The following EPHB1 variants were observed in gnomAD, a reference collection of about 807,000 sequenced individuals.
EPHB1 encodes the protein EPH receptor B1.
EPHB1 carries 30 observed loss-of-function variants against 94.4 expected under a neutral mutation model. That is an observed-to-expected ratio of 0.32 (90% confidence interval 0.24 to 0.43). The LOEUF is 0.43. Ranked by LOEUF, EPHB1 falls within the 20% of genes least tolerant of loss-of-function variation. The pLI, the probability that EPHB1 is intolerant of heterozygous loss-of-function variation, is 1.00. For synonymous variants in EPHB1, 522 were observed against 489.1 expected (o/e 1.07, Z -0.89); for missense variants, 1,055 against 1,308.3 (o/e 0.81, Z 2.99).
chr3:134,882,759 TTCCTTC>T (rs1560280426), intron 1 of EPHB1, among the ~76,000 whole-genome samples: 772 of 33,878 alleles, frequency 0.023, 51 homozygotes, highest in African/African-American at 0.073. Flanking sequence ...CCTTTCTTCC[TTCCTTC>T]CTTTCTTTCT....
At chr3:135,187,521 A>G (rs980712533) in intron 10 of EPHB1, among the ~76,000 whole-genome samples, 1 of 152,214 alleles carries the variant, frequency 6.6e-6, no homozygotes, top group African/African-American at 2.4e-5. Flanking sequence ...TTTCTTGTAG[A>G]TACTATATTA....
chr3:135,196,985 G>T (rs775653197), intron 11 of EPHB1, among the ~76,000 whole-genome samples: 1 of 151,962 alleles, frequency 6.6e-6, no homozygotes, highest in Non-Finnish European at 1.5e-5. Context: ...GGCTGGGCGC[G>T]GTGGCTCACG....
intron 1 of EPHB1, among the ~76,000 whole-genome samples, chr3:134,911,292 A>G (rs541095804): frequency 6.6e-6 from 1 of 152,346 alleles, no homozygotes; most frequent in South Asian, 2.1e-4. Flanking sequence ...TGGAGCAGGA[A>G]ACCACAGAAA....
chr3:135,021,608 G>A (rs1935990928), intron 3 of EPHB1, among the ~76,000 whole-genome samples: 2 of 150,966 alleles, frequency 1.3e-5, no homozygotes, highest in South Asian at 4.2e-4. Context: ...ACTGTCCAAA[G>A]CGATGATTAT....
chr3:135,222,265 G>GA (rs1292945292), intron 12 of EPHB1, among the ~76,000 whole-genome samples: 5 of 152,094 alleles, frequency 3.3e-5, no homozygotes, highest in East Asian at 1.9e-4. Context: ...GTGGATGCTT[G>GA]AAAAAATGTC....
At chr3:134,818,832 A>G (rs1020670838) in intron 1 of EPHB1, among the ~76,000 whole-genome samples, 1 of 152,208 alleles carries the variant, frequency 6.6e-6, no homozygotes, top group Non-Finnish European at 1.5e-5. Flanking sequence ...GTGCTGCTAT[A>G]AACATGCACG....
intron 3 of EPHB1, among the ~76,000 whole-genome samples, chr3:135,040,905 A>G (rs1178931915): frequency 2.0e-5 from 3 of 152,210 alleles, no homozygotes; most frequent in East Asian, 1.9e-4. Context: ...TTTTACATCT[A>G]TAATTCCTTC....
chr3:134,930,624 G>A (rs547746379), intron 2 of EPHB1, among the ~76,000 whole-genome samples: 9 of 152,314 alleles, frequency 5.9e-5, no homozygotes. Flanking sequence ...AACAGTCAGC[G>A]CTGTGCCCAA....
intron 9 of EPHB1, among the ~76,000 whole-genome samples, chr3:135,176,528 G>GCA (rs150501410): frequency 1.6e-4 from 25 of 152,094 alleles, no homozygotes; most frequent in Admixed American, 7.2e-4. Context: ...ATATATGTGT[G>GCA]CACACACACA....
At position 134,938,348 on chromosome 3, in the gene EPHB1, G is replaced by T. The variant is rs541386066; in HGVS notation, c.123+12468G>T. Among the ~76,000 whole-genome samples the T allele has an allele frequency of 1.0e-3, 159 of 152,306 alleles. 1 individual carries two copies. The highest frequency in any genetic ancestry group is 3.8e-3 in the African/African-American group (159 of 41,570). On this transcript the variant is annotated intron_variant, in intron 2 of 15. Coordinates refer to ENST00000398015, the MANE Select transcript of EPHB1 (RefSeq NM_004441.5). Reference sequence around the variant, plus strand: ...CCTGCAGTATTTTCCCTAACATGCTGGTAGAAACCTGGGTGTGAAATATGC... The same window carrying T: ...CCTGCAGTATTTTCCCTAACATGCTTGTAGAAACCTGGGTGTGAAATATGC...
chr3:134,804,237 A>G (rs1356379778), intron 1 of EPHB1, among the ~76,000 whole-genome samples: 1 of 152,022 alleles, frequency 6.6e-6, no homozygotes, highest in Non-Finnish European at 1.5e-5. Context: ...GTGGGAGGTG[A>G]AAAGCATTTC....
intron 11 of EPHB1, among the ~76,000 whole-genome samples, chr3:135,198,654 C>T (rs1271267780): frequency 6.6e-6 from 1 of 152,180 alleles, no homozygotes; most frequent in Non-Finnish European, 1.5e-5. Context: ...CAGTCTCTCT[C>T]ACCACACTCA....
chr3:134,960,769 G>A (rs1476391222), intron 3 of EPHB1, among the ~76,000 whole-genome samples: 1 of 152,222 alleles, frequency 6.6e-6, no homozygotes, highest in Non-Finnish European at 1.5e-5. Flanking sequence ...ATAAATTTGG[G>A]CCAGCAAGGC....
intron 2 of EPHB1, among the ~76,000 whole-genome samples, chr3:134,944,428 G>A (rs1319145252): frequency 6.6e-6 from 1 of 152,204 alleles, no homozygotes; most frequent in Non-Finnish European, 1.5e-5. Context: ...GTCCAAGAAA[G>A]GAGGACAACA....
intron 1 of EPHB1, among the ~76,000 whole-genome samples, chr3:134,832,815 T>C (rs2036603072): frequency 6.6e-6 from 1 of 152,198 alleles, no homozygotes; most frequent in African/African-American, 2.4e-5. Flanking sequence ...CAGCTGAAAC[T>C]TTCTGCTGTC....
intron 11 of EPHB1, among the ~76,000 whole-genome samples, chr3:135,198,312 C>T (rs1284934097): frequency 6.6e-6 from 1 of 152,174 alleles, no homozygotes; most frequent in African/African-American, 2.4e-5. Flanking sequence ...ATTTTCTGGA[C>T]CTCCTTTATC....
intron 3 of EPHB1, among the ~76,000 whole-genome samples, chr3:135,079,374 T>A (rs745700875): frequency 6.6e-6 from 1 of 152,214 alleles, no homozygotes; most frequent in Non-Finnish European, 1.5e-5. Flanking sequence ...TGCCCGTTTA[T>A]CCAATTGAGG....
intron 12 of EPHB1, among the ~76,000 whole-genome samples, chr3:135,202,119 A>G (rs551532274): frequency 2.5e-3 from 379 of 152,200 alleles, no homozygotes; most frequent in South Asian, 0.014. Context: ...TCTTCTCTCT[A>G]TATTGCTTCC....
At chr3:134,880,086 G>C (rs1381428566) in intron 1 of EPHB1, among the ~76,000 whole-genome samples, 1 of 152,166 alleles carries the variant, frequency 6.6e-6, no homozygotes, top group African/African-American at 2.4e-5. Flanking sequence ...TGCACCTTTT[G>C]CTCAGAGGCT....
Sources: allele counts gnomAD v4.1 joint callset (sites outside exome capture counted in the v4.1 genomes callset), GRCh38; gene constraint gnomAD v4.1.1; transcripts MANE v1.5; gene names NCBI Gene and HGNC (gene_info 2026-07-23, HGNC 2026-07-21).